The following ADAMTSL1 variants were observed in gnomAD, a reference collection of about 807,000 sequenced individuals.
The protein encoded by ADAMTSL1 is ADAMTS like 1.
A neutral mutation model predicts 201.8 loss-of-function variants in ADAMTSL1; 126 were observed. The observed-to-expected ratio is 0.62, with a 90% CI of 0.54 to 0.72. The LOEUF is 0.72. ADAMTSL1 is among the 30% of genes least tolerant of loss of function. ADAMTSL1 has a pLI of 0.00. For synonymous variants in ADAMTSL1, 1,121 were observed against 903.4 expected (o/e 1.24, Z -4.32); for missense variants, 2,679 against 2,277.8 (o/e 1.18, Z -3.59).
Position 17,982,939 on chromosome 9 carries a change from C to T in ADAMTSL1, c.87+76017C>T, listed in dbSNP as rs146352751. On this transcript the variant is annotated intron_variant, in intron 1 of 29. Coordinates refer to the ADAMTSL1 transcript ENST00000680146. ...TGGCTGCATATTACCATTATATGAA[C>T]AGCTTGGAAAAAAAAATCATCCTCA... 1.2e-3 allele frequency among the ~76,000 whole-genome samples: 179 copies of T among 151,080 alleles called. 2 individuals are homozygous for T. In the East Asian group the frequency reaches 0.019, roughly 16 times the overall value.
chr9:17,917,237 T>C (rs185503018), intron 1 of ADAMTSL1, among the ~76,000 whole-genome samples: 1 of 152,266 alleles, frequency 6.6e-6, no homozygotes, highest in East Asian at 1.9e-4. Context: ...TTATGTCTTT[T>C]ATGAAATTTT....
chr9:18,616,305 A>G (rs941425809), intron 4 of ADAMTSL1, among the ~76,000 whole-genome samples: 3 of 152,186 alleles, frequency 2.0e-5, no homozygotes, highest in Non-Finnish European at 4.4e-5. Context: ...GATTACAGGC[A>G]TAAGCCACCA....
rs549571984 is a variant in ADAMTSL1 at position 18,559,444 on chromosome 9, AC to A, written c.238-14584del. ...ATAGTTTGAAGTCAGGTAATGTGAT[AC>A]CTCCAGCTTTGTTCTTTTTGCTTAG... is the stretch of plus-strand genomic sequence containing the variant. On this transcript the variant is annotated intron_variant, in intron 3 of 28. Coordinates refer to ENST00000380548, the MANE Select transcript of ADAMTSL1 (RefSeq NM_001040272.6). Among the ~76,000 whole-genome samples, 13 of 151,834 alleles carry A rather than the reference AC, an allele frequency of 8.6e-5. No homozygotes were observed. The East Asian group carries it at 2.5e-3, about 29-fold the overall frequency.
At chr9:18,788,737 G>A (rs575585885) in intron 19 of ADAMTSL1, among the ~76,000 whole-genome samples, 1 of 152,118 alleles carries the variant, frequency 6.6e-6, no homozygotes, top group African/African-American at 2.4e-5. Context: ...TTCACCATCT[G>A]GTCCTATAAA....
intron 20 of ADAMTSL1, among the ~76,000 whole-genome samples, chr9:18,811,640 A>T (rs754657345): frequency 6.6e-6 from 1 of 152,238 alleles, no homozygotes; most frequent in Non-Finnish European, 1.5e-5. Context: ...GAAGGTTTAC[A>T]TAAGATCCAG....
intron 15 of ADAMTSL1, among the ~76,000 whole-genome samples, chr9:18,727,978 G>A (rs1337244745): frequency 6.6e-6 from 1 of 152,058 alleles, no homozygotes; most frequent in African/African-American, 2.4e-5. Context: ...TACTCGGGAC[G>A]CTGAGGTAGG....
intron 19 of ADAMTSL1, among the ~76,000 whole-genome samples, chr9:18,785,349 G>C (rs567378694): frequency 6.6e-6 from 1 of 152,306 alleles, no homozygotes; most frequent in East Asian, 1.9e-4. Context: ...CTGGCTTCCA[G>C]CTGATGAGGC....
At chr9:18,498,092 T>C (rs142253708) in intron 1 of ADAMTSL1, among the ~76,000 whole-genome samples, 135 of 152,028 alleles carry the variant, frequency 8.9e-4, no homozygotes, top group Middle Eastern at 3.4e-3. Context: ...TGATAAATAC[T>C]GTTTGAAAAG....
intron 28 of ADAMTSL1, 152 bp downstream of exon 28, chr9:18,907,064 G>A (rs778084831): frequency 7.7e-6 from 6 of 779,710 alleles, no homozygotes; most frequent in Non-Finnish European, 1.2e-5. Context: ...TCAGTGGGGT[G>A]CATGGGTGTA....
chr9:18,382,713 A>G (rs1837608970), intron 2 of ADAMTSL1, among the ~76,000 whole-genome samples: 2 of 152,156 alleles, frequency 1.3e-5, no homozygotes, highest in Admixed American at 6.5e-5. Context: ...AGACTGCATT[A>G]TGAACGACAT....
At chr9:18,550,335 A>T (rs1293470320) in intron 3 of ADAMTSL1, among the ~76,000 whole-genome samples, 1 of 151,830 alleles carries the variant, frequency 6.6e-6, no homozygotes, top group African/African-American at 2.4e-5. Flanking sequence ...AATCACACAG[A>T]CTCCTAAAAG....
At chr9:18,206,025 C>A (rs937317551) in intron 2 of ADAMTSL1, among the ~76,000 whole-genome samples, 1 of 131,124 alleles carries the variant, frequency 7.6e-6, no homozygotes, top group Non-Finnish European at 1.5e-5. Flanking sequence ...TTGCACCTCA[C>A]CCTGGGCAAC....
At chr9:18,626,894 CCTTCCTTT>C (rs1310938421) in intron 5 of ADAMTSL1, among the ~76,000 whole-genome samples, 13 of 129,654 alleles carry the variant, frequency 1.0e-4, no homozygotes, top group Admixed American at 2.3e-4. Context: ...TTCCTTCCTT[CCTTCCTTT>C]CTTTCTTTTC....
intron 2 of ADAMTSL1, among the ~76,000 whole-genome samples, chr9:18,423,126 C>T (rs566928347): frequency 1.3e-5 from 2 of 152,258 alleles, no homozygotes; most frequent in South Asian, 4.2e-4. Context: ...TCGCTGGTGA[C>T]CTAAAGGCCC....
intron 15 of ADAMTSL1, among the ~76,000 whole-genome samples, chr9:18,724,070 G>C (rs1817717989): frequency 1.3e-5 from 2 of 152,144 alleles, no homozygotes; most frequent in Non-Finnish European, 2.9e-5. Context: ...TCTAGACCGT[G>C]TCCTTTGGGG....
intron 2 of ADAMTSL1, among the ~76,000 whole-genome samples, chr9:18,287,388 T>C (rs1295496087): frequency 6.6e-6 from 1 of 152,006 alleles, no homozygotes; most frequent in Non-Finnish European, 1.5e-5. Context: ...TATATATGTG[T>C]GTATATATGC....
chr9:18,202,649 G>A (rs1189991091), intron 2 of ADAMTSL1, among the ~76,000 whole-genome samples: 2 of 152,124 alleles, frequency 1.3e-5, no homozygotes, highest in South Asian at 4.1e-4. Context: ...CTATGCATCC[G>A]TTGCACCCTG....
intron 3 of ADAMTSL1, among the ~76,000 whole-genome samples, chr9:18,562,654 G>A (rs7390426): frequency 0.63 from 96,457 of 152,024 alleles, 30,849 homozygotes; most frequent in East Asian, 0.77. Flanking sequence ...AGGTACACCA[G>A]TCAAACATAG....
At chr9:18,324,826 A>T (rs948768079) in intron 2 of ADAMTSL1, among the ~76,000 whole-genome samples, 1 of 152,124 alleles carries the variant, frequency 6.6e-6, no homozygotes, top group African/African-American at 2.4e-5. Context: ...AGACACCATT[A>T]TGAAAATATA....
Sources: gnomAD v4.1 joint callset for allele counts (sites outside exome capture counted in the v4.1 genomes callset) on GRCh38, gnomAD v4.1.1 for gene constraint, MANE v1.5 for transcripts, NCBI Gene and HGNC (gene_info 2026-07-23, HGNC 2026-07-21) for gene names.